Variants in FRYL observed in about 807,000 individuals in gnomAD.
FRYL encodes FRY like transcription coactivator, also known as protein furry homolog-like.
FRYL carries 150 observed loss-of-function variants against 351.2 expected under a neutral mutation model. The ratio of observed to expected loss-of-function variants is 0.43; its 90% CI spans 0.37 to 0.49. The LOEUF (loss-of-function observed/expected upper bound fraction) is 0.49, where lower values mean the gene tolerates loss of function less well. Among genes scored for constraint, FRYL ranks in the 20% least tolerant of loss-of-function variants. FRYL has a pLI of 0.00. For synonymous variants in FRYL, 1,153 were observed against 1,257.1 expected (o/e 0.92, Z 1.75); for missense variants, 3,036 against 3,619.3 (o/e 0.84, Z 4.13).
At chr4:48,691,583 T>C (rs141347780) in intron 2 of FRYL, among the ~76,000 whole-genome samples, 12 of 152,248 alleles carry the variant, frequency 7.9e-5, no homozygotes, top group Non-Finnish European at 1.5e-5. Context: ...CAGAACTAAG[T>C]GTAAAAGATG....
chr4:48,713,006 A>C (rs1271995395), intron 1 of FRYL, among the ~76,000 whole-genome samples: 1 of 152,172 alleles, frequency 6.6e-6, no homozygotes, highest in African/African-American at 2.4e-5. Flanking sequence ...GAGAAATAAA[A>C]TACTTTACAG....
intron 1 of FRYL, among the ~76,000 whole-genome samples, chr4:48,731,756 T>C (rs1770753797): frequency 1.3e-5 from 2 of 152,080 alleles, no homozygotes. Flanking sequence ...ACTGGGCCCC[T>C]TCCTTATACC....
chr4:48,586,621 C>T lies in FRYL; in HGVS notation c.1748G>A (p.Arg583Lys), dbSNP rs1742161801. 1 of 1,594,144 alleles carries T rather than the reference C, an allele frequency of 6.3e-7. No homozygotes were observed. Residue 583 changes from arginine (R) to lysine (K), a missense_variant and splice_region_variant, in exon 19 of 64, where the codon AGG becomes AAG. Around this residue, in one of 7 missense-constraint regions of FRYL, gnomAD observed 78 missense variants for 106.6 expected, o/e 0.73. Coordinates refer to ENST00000358350, the MANE Select transcript of FRYL (RefSeq NM_015030.2). ...ATAGCAAACAGTAATTCTCATTTAC[C>T]TTGCTAACAATTCAATCAGGTCAGT... is the stretch of plus-strand genomic sequence containing the variant. ...SRTDLIELLA[R>K]LTIHMDEELR...
At chr4:48,551,906 G>C (rs1732853678) in intron 36 of FRYL, among the ~76,000 whole-genome samples, 1 of 152,134 alleles carries the variant, frequency 6.6e-6, no homozygotes, top group African/African-American at 2.4e-5. Flanking sequence ...AGGGGTTGAA[G>C]GTGGTGCGAA....
Position 48,499,363 on chromosome 4 carries a change from C to A in FRYL, c.*59G>T. 6.6e-7 allele frequency: 1 copy of A among 1,516,152 alleles called. No homozygotes were observed. 93.9% of individuals were successfully genotyped at this position (1,516,152 alleles called of 1,614,324 possible). ...TGAATGCAAGGGTCCATAAAAGGTG[C>A]TTGGTTAATATTCTTCATCATCTTC... is the stretch of plus-strand genomic sequence containing the variant. On this transcript the variant is annotated 3_prime_UTR_variant, in exon 64 of 64. Coordinates refer to ENST00000358350, the MANE Select transcript of FRYL (RefSeq NM_015030.2).
rs540158159 is a variant in FRYL, at chr4:48,516,817, C to T, written c.7690-1542G>A. 9.2e-5 allele frequency among the ~76,000 whole-genome samples: 14 copies of T among 152,232 alleles called. No individual in the cohort carries two copies. The East Asian group carries it at 2.7e-3, about 29-fold the overall frequency. Reference sequence around the variant, plus strand: ...ATGGTAAATGTACGGTAAATACTATCAGCAACATACAAATGGGTGCTGGTA... The same window carrying T: ...ATGGTAAATGTACGGTAAATACTATTAGCAACATACAAATGGGTGCTGGTA... On this transcript the variant is annotated intron_variant, in intron 55 of 63. Coordinates refer to ENST00000358350, the MANE Select transcript of FRYL (RefSeq NM_015030.2).
At chr4:48,525,750 T>C (rs560004721) in intron 53 of FRYL, among the ~76,000 whole-genome samples, 3 of 151,310 alleles carry the variant, frequency 2.0e-5, no homozygotes, top group African/African-American at 7.3e-5. Context: ...TACATGAGAG[T>C]TGATGGATGT....
chr4:48,574,164 T>C (rs1195475012), intron 25 of FRYL, among the ~76,000 whole-genome samples: 1 of 152,190 alleles, frequency 6.6e-6, no homozygotes, highest in Non-Finnish European at 1.5e-5. Context: ...AATGTGCTTA[T>C]TTTAAGATTG....
chr4:48,716,620 C>T (rs1010383285), intron 1 of FRYL, among the ~76,000 whole-genome samples: 1 of 151,490 alleles, frequency 6.6e-6, no homozygotes, highest in Non-Finnish European at 1.5e-5. Flanking sequence ...AGTCAGGAAA[C>T]AACAGGTGCT....
chr4:48,557,014 A>G lies in FRYL; in HGVS notation c.4230T>C (p.Ile1410=), dbSNP rs768934794. 1.2e-6 allele frequency: 2 copies of G among 1,607,400 alleles called. No homozygotes were observed. Among genetic ancestry groups the G allele is most frequent in the South Asian group, 2.2e-5 (2 of 89,982 alleles). Residue 1410 remains isoleucine (I), a synonymous_variant, in exon 35 of 64, where the codon ATT becomes ATC. Coordinates refer to ENST00000358350, the MANE Select transcript of FRYL (RefSeq NM_015030.2). ...LKIILHFLIS[I]CGVNSEPSLL... is the part of the protein sequence containing the mutation. ...GGCTTGGTTCGCTATTCACCCCACA[A>G]ATGCTGATCAAAAAGTGCAAAATTA...
chr4:48,636,067 A>G (rs1428237254), intron 3 of FRYL, among the ~76,000 whole-genome samples: 1 of 152,196 alleles, frequency 6.6e-6, no homozygotes, highest in Non-Finnish European at 1.5e-5. Context: ...TCTTTGTGTC[A>G]TATCAAGTTA....
chr4:48,743,307 A>T (rs1347099631), intron 1 of FRYL, among the ~76,000 whole-genome samples: 1 of 152,186 alleles, frequency 6.6e-6, no homozygotes, highest in Non-Finnish European at 1.5e-5. Flanking sequence ...CCAGAATCAG[A>T]ACTATAACAA....
intron 55 of FRYL, among the ~76,000 whole-genome samples, chr4:48,519,636 G>A (rs993227383): frequency 4.6e-5 from 7 of 151,822 alleles, no homozygotes; most frequent in Non-Finnish European, 8.8e-5. Context: ...CCGAGTAGAT[G>A]GGACTACAGG....
At chr4:48,697,024 A>C (rs554263310) in intron 2 of FRYL, among the ~76,000 whole-genome samples, 94 of 152,080 alleles carry the variant, frequency 6.2e-4, no homozygotes, top group Non-Finnish European at 1.2e-3. Context: ...GTTTTTTCCT[A>C]TATGCATCAA....
At chr4:48,620,326 T>C in intron 6 of FRYL, among the ~76,000 whole-genome samples, 1 of 152,226 alleles carries the variant, frequency 6.6e-6, no homozygotes, top group Non-Finnish European at 1.5e-5. Context: ...TTGAATATTT[T>C]CTTAACTTTA....
chr4:48,763,994 C>A (rs1397334494), intron 1 of FRYL, among the ~76,000 whole-genome samples: 3 of 151,836 alleles, frequency 2.0e-5, no homozygotes, highest in Non-Finnish European at 2.9e-5. Flanking sequence ...TGTGGTGAAA[C>A]CCCGTCTCTA....
intron 41 of FRYL, chr4:48,546,573 T>C (rs896851003): frequency 1.6e-5 from 5 of 313,940 alleles, no homozygotes; most frequent in Admixed American, 4.6e-5. Flanking sequence ...GCATATTTTG[T>C]CAACATCGCT....
At chr4:48,762,979 G>A (rs1274654453) in intron 1 of FRYL, among the ~76,000 whole-genome samples, 1 of 151,902 alleles carries the variant, frequency 6.6e-6, no homozygotes, top group East Asian at 1.9e-4. Context: ...ATTCTCCAGG[G>A]AAAGCTAGGA....
rs575320123 is a variant in FRYL at position 48,711,207 on chromosome 4, T to C, written c.-383-509A>G. On this transcript the variant is annotated intron_variant, in intron 1 of 63. Coordinates refer to ENST00000358350, the MANE Select transcript of FRYL (RefSeq NM_015030.2). ...TCATCTCACTAGGAGTGCCAGACAG[T>C]GGGCGCAGGTCAGTGGGTGCAGCGC... Among the ~76,000 whole-genome samples the C allele has an allele frequency of 3.7e-4, 56 of 152,288 alleles. 1 individual carries two copies. Among genetic ancestry groups the C allele is most frequent in the Admixed American group, 1.7e-3 (26 of 15,304 alleles).
Sources: gnomAD v4.1 joint callset for allele counts (sites outside exome capture counted in the v4.1 genomes callset) on GRCh38, gnomAD v4.1.1 for gene constraint, gnomAD v4.1.1 regional missense constraint, MANE v1.5 for transcripts, NCBI Gene and HGNC (gene_info 2026-07-23, HGNC 2026-07-21) for gene names.